SOS2: variants seen among roughly 807,000 people sequenced by gnomAD.
The protein encoded by SOS2 is son of sevenless homolog 2.
SOS2 carries 65 observed loss-of-function variants against 148.2 expected under a neutral mutation model. The observed-to-expected ratio is 0.44, with a 90% CI of 0.36 to 0.54. The LOEUF (loss-of-function observed/expected upper bound fraction) is 0.54, where lower values mean the gene tolerates loss of function less well. SOS2 is among the 20% of genes least tolerant of loss of function. The probability of loss-of-function intolerance (pLI) is 0.00; values close to 1 mark genes in which losing one functional copy is unlikely to be tolerated. For synonymous variants in SOS2, 539 were observed against 537.1 expected, an observed-to-expected ratio of 1.00 and a Z score of -0.05; for missense variants, 1,341 against 1,590.2, an observed-to-expected ratio of 0.84 and a Z score of 2.67.
At chr14:50,231,864 T>G (rs1177116175), upstream of SOS2, among the ~76,000 whole-genome samples, 1 of 152,180 alleles carries the variant, frequency 6.6e-6, no homozygotes, top group Non-Finnish European at 1.5e-5. Context: ...TTGCTGCCCC[T>G]TTAGCAGCAG....
chr14:50,170,160 T>A (rs561023514), intron 8 of SOS2, among the ~76,000 whole-genome samples: 1 of 151,412 alleles, frequency 6.6e-6, no homozygotes, highest in Admixed American at 6.6e-5. Flanking sequence ...CTTGAACTCC[T>A]GGGCTCAAGT....
chr14:50,224,305 ATAT>A (rs751809615), intron 1 of SOS2, among the ~76,000 whole-genome samples: 1 of 53,912 alleles, frequency 1.9e-5, no homozygotes, highest in East Asian at 1.1e-3. Context: ...AAAAAAAAAA[ATAT>A]ATATATACAC....
At chr14:50,190,370 A>C (rs925527844) in intron 4 of SOS2, among the ~76,000 whole-genome samples, 10 of 152,196 alleles carry the variant, frequency 6.6e-5, no homozygotes, top group Non-Finnish European at 8.8e-5. Context: ...AAAAACATCT[A>C]CTGATCACCA....
chr14:50,157,651 G>A (rs536362085), intron 11 of SOS2, among the ~76,000 whole-genome samples: 3 of 152,174 alleles, frequency 2.0e-5, no homozygotes, highest in African/African-American at 7.2e-5. Flanking sequence ...AAACAACTAA[G>A]TAGATCCTCA....
chr14:50,209,400 A>G (rs570373070), intron 1 of SOS2, among the ~76,000 whole-genome samples: 4 of 151,802 alleles, frequency 2.6e-5, no homozygotes, highest in Non-Finnish European at 5.9e-5. Context: ...GGACAAAAAT[A>G]TTGTACACAT....
intron 1 of SOS2, among the ~76,000 whole-genome samples, chr14:50,206,422 A>C (rs1190347418): frequency 6.6e-6 from 1 of 152,218 alleles, no homozygotes; most frequent in African/African-American, 2.4e-5. Context: ...CACTGTATAC[A>C]ACCTACACAC....
rs1883593646 is a variant in SOS2 at position 50,123,654 on chromosome 14, A to T, written c.3380-3270T>A. On this transcript the variant is annotated intron_variant, in intron 21 of 22. Coordinates refer to ENST00000216373, the MANE Select transcript of SOS2 (RefSeq NM_006939.4). ...TGCCTTGGCCTCCCAAAGTGCTGGG[A>T]TTACAGGGGTGAGCCACCGTACCCG... 5.3e-5 allele frequency among the ~76,000 whole-genome samples: 8 copies of T among 151,924 alleles called. No homozygotes were observed. The South Asian group carries it at 1.7e-3, about 32-fold the overall frequency.
chr14:50,180,873 GA>G (rs1282697270), intron 6 of SOS2, among the ~76,000 whole-genome samples, 191 bp from the exon 7 acceptor site: 1 of 151,862 alleles, frequency 6.6e-6, no homozygotes, highest in Non-Finnish European at 1.5e-5. Flanking sequence ...AAAGAAAAAA[GA>G]GAAGAGAAGA....
chr14:50,222,911 T>C lies in SOS2; in HGVS notation c.87+8286A>G, dbSNP rs547108771. ...TGTTTGGGGAGAAAAAGAAACTAAATAGGACAAGAGCAGATGATCAGAGAC... is the reference window on the plus strand; with the variant it reads ...TGTTTGGGGAGAAAAAGAAACTAAACAGGACAAGAGCAGATGATCAGAGAC... On this transcript the variant is annotated intron_variant, in intron 1 of 22. Transcript: ENST00000216373. 3.2e-4 allele frequency among the ~76,000 whole-genome samples: 48 copies of C among 152,224 alleles called. 1 individual carries two copies. Among genetic ancestry groups the C allele is most frequent in the African/African-American group, 9.9e-4 (41 of 41,518 alleles).
At chr14:50,205,082 T>C (rs1469274316) in intron 1 of SOS2, among the ~76,000 whole-genome samples, 1 of 152,096 alleles carries the variant, frequency 6.6e-6, no homozygotes, top group Non-Finnish European at 1.5e-5. Context: ...AGTATTGCTT[T>C]CCTTTCTTTT....
At chr14:50,169,324 T>C (rs995223370) in intron 8 of SOS2, among the ~76,000 whole-genome samples, 1 of 65,802 alleles carries the variant, frequency 1.5e-5, no homozygotes. Context: ...TCAAAAAAAA[T>C]AAAAATAAAA....
At chr14:50,129,733 GGTAA>G (rs2139509408) in intron 21 of SOS2, among the ~76,000 whole-genome samples, 1 of 152,236 alleles carries the variant, frequency 6.6e-6, no homozygotes, top group East Asian at 1.9e-4. Context: ...GTGTGGGGAA[GGTAA>G]GTAATTTCTT....
chr14:50,224,694 G>A (rs905763818), intron 1 of SOS2, among the ~76,000 whole-genome samples: 126 of 147,178 alleles, frequency 8.6e-4, no homozygotes, highest in African/African-American at 3.1e-3. Context: ...AGACCAGCCA[G>A]AGGACATAGC....
intron 1 of SOS2, among the ~76,000 whole-genome samples, chr14:50,205,860 C>G (rs1886641503): frequency 1.4e-5 from 2 of 148,086 alleles, no homozygotes; most frequent in South Asian, 4.2e-4. Flanking sequence ...GCAGAGGTTG[C>G]AGTGAGCAGA....
intron 20 of SOS2, 73 bp from the exon 21 acceptor site, chr14:50,130,075 A>G (rs939476018): frequency 1.1e-6 from 1 of 907,336 alleles, no homozygotes; most frequent in South Asian, 1.5e-5. Context: ...GTTTCCATAA[A>G]TAATACGTAA....
chr14:50,146,148 A>AAAAAAAAG (rs1566826155), intron 14 of SOS2, among the ~76,000 whole-genome samples: 13 of 145,992 alleles, frequency 8.9e-5, no homozygotes, highest in South Asian at 2.1e-4. Flanking sequence ...AAAAAAAAAA[A>AAAAAAAAG]AAAAAAAGAA....
chr14:50,159,562 C>T lies in SOS2; in HGVS notation c.1721G>A (p.Arg574His), dbSNP rs967513997. ...TTCCTCAGAGTCTTTTACTACAAAA[C>T]GATATACTTCAGGACTTGGTAATCT... is the stretch of plus-strand genomic sequence containing the variant. The part of the protein sequence containing the change: ...PLRLPSPEVY[R>H]FVVKDSEENI... The change falls in exon 10 of 23, where the codon CGT becomes CAT. Residue 574 changes from arginine (R) to histidine (H), a missense_variant. Coordinates refer to ENST00000216373, the MANE Select transcript of SOS2 (RefSeq NM_006939.4). 1.1e-5 allele frequency: 18 copies of T among 1,613,784 alleles called. No individual in the cohort carries two copies. The highest frequency in any genetic ancestry group is 1.4e-5 in the Non-Finnish European group (17 of 1,179,918).
chr14:50,198,412 C>T (rs1351651461), intron 4 of SOS2, among the ~76,000 whole-genome samples: 2 of 151,532 alleles, frequency 1.3e-5, no homozygotes, highest in South Asian at 2.1e-4. Context: ...CAAGGAATTG[C>T]TACCATGATG....
chr14:50,209,217 ATGCAGATCTTGGACTTC>A (rs1466642271), intron 1 of SOS2, among the ~76,000 whole-genome samples: 2 of 151,126 alleles, frequency 1.3e-5, no homozygotes, highest in Non-Finnish European at 2.9e-5. Context: ...AGCTTGACAA[ATGCAGATCTTGGACTTC>A]TGGGCCACCA....
Sources: gnomAD v4.1 joint callset for allele counts (sites outside exome capture counted in the v4.1 genomes callset) on GRCh38, gnomAD v4.1.1 for gene constraint, MANE v1.5 for transcripts, NCBI Gene and HGNC (gene_info 2026-07-23, HGNC 2026-07-21) for gene names.